Variants in CDK14 observed in about 807,000 individuals in gnomAD.
CDK14 encodes cyclin-dependent kinase 14.
Under a neutral mutation model 60.7 loss-of-function variants are expected in CDK14, and 34 were observed. That is an observed-to-expected ratio of 0.56 (90% CI 0.43 to 0.75). The LOEUF (loss-of-function observed/expected upper bound fraction) is 0.75. Ranked by LOEUF, CDK14 falls within the 30% of genes least tolerant of loss-of-function variation. The probability of loss-of-function intolerance (pLI) is 0.00; values close to 1 mark genes in which losing one functional copy is unlikely to be tolerated. For synonymous variants in CDK14, 197 were observed against 203.7 expected (o/e 0.97, Z 0.28); for missense variants, 482 against 564.1 (o/e 0.85, Z 1.47).
intron 2 of CDK14, among the ~76,000 whole-genome samples, chr7:90,613,736 C>T (rs912468957): frequency 6.6e-6 from 1 of 152,050 alleles, no homozygotes; most frequent in Admixed American, 6.6e-5. Flanking sequence ...CGTAGGAAGT[C>T]TTTCTGTACA....
chr7:90,990,273 G>A (rs529919470), intron 10 of CDK14, among the ~76,000 whole-genome samples: 22 of 152,206 alleles, frequency 1.4e-4, no homozygotes, highest in African/African-American at 2.2e-4. Context: ...GTGAGACCCC[G>A]TCTCTAGAAA....
At chr7:91,094,087 G>T (rs1000789063) in intron 12 of CDK14, among the ~76,000 whole-genome samples, 1 of 151,956 alleles carries the variant, frequency 6.6e-6, no homozygotes, top group African/African-American at 2.4e-5. Flanking sequence ...AACTACCTGG[G>T]TAATGGGATC....
At chr7:90,636,233 C>A (rs1800145159) in intron 2 of CDK14, among the ~76,000 whole-genome samples, 1 of 152,058 alleles carries the variant, frequency 6.6e-6, no homozygotes, top group Non-Finnish European at 1.5e-5. Context: ...TGGAATGGTT[C>A]CAGTTTTTGC....
At chr7:91,129,247 A>G (rs531586769) in intron 14 of CDK14, among the ~76,000 whole-genome samples, 1 of 152,320 alleles carries the variant, frequency 6.6e-6, no homozygotes, top group Admixed American at 6.5e-5. Context: ...TGGAGGGTAA[A>G]ACTGCTGGCT....
chr7:90,979,000 A>G (rs1006993775), intron 9 of CDK14, among the ~76,000 whole-genome samples: 2 of 152,160 alleles, frequency 1.3e-5, no homozygotes, highest in Non-Finnish European at 2.9e-5. Flanking sequence ...AAGATTTCAC[A>G]AACTTTGTAA....
chr7:90,978,658 AAGTT>A (rs1248193276), intron 9 of CDK14, among the ~76,000 whole-genome samples: 2 of 152,074 alleles, frequency 1.3e-5, no homozygotes, highest in African/African-American at 4.8e-5. Context: ...TTTTGGGAAA[AAGTT>A]AGATAGCACC....
At chr7:90,946,038 G>A (rs1399763807) in intron 8 of CDK14, among the ~76,000 whole-genome samples, 1 of 152,106 alleles carries the variant, frequency 6.6e-6, no homozygotes, top group Non-Finnish European at 1.5e-5. Context: ...AGCAGCAGTG[G>A]GGAAAAAGAA....
chr7:90,924,734 T>TGTGATTAAA (rs1793361435), intron 8 of CDK14, among the ~76,000 whole-genome samples: 1 of 152,226 alleles, frequency 6.6e-6, no homozygotes, highest in South Asian at 2.1e-4. Context: ...TTTAAACCTT[T>TGTGATTAAA]GTTTCTCACT....
chr7:90,934,900 G>A (rs572309420), intron 8 of CDK14, among the ~76,000 whole-genome samples: 1 of 152,308 alleles, frequency 6.6e-6, no homozygotes, highest in South Asian at 2.1e-4. Flanking sequence ...CGGACTGCCA[G>A]CCTTATATGG....
At chr7:90,803,747 G>A (rs190954693) in intron 5 of CDK14, among the ~76,000 whole-genome samples, 1 of 152,318 alleles carries the variant, frequency 6.6e-6, no homozygotes, top group African/African-American at 2.4e-5. Flanking sequence ...ATATGATCTA[G>A]TTTAATTTTT....
intron 3 of CDK14, among the ~76,000 whole-genome samples, chr7:90,745,992 C>T (rs1245368624): frequency 6.6e-6 from 1 of 152,172 alleles, no homozygotes; most frequent in Non-Finnish European, 1.5e-5. Flanking sequence ...TTGCTCTGCT[C>T]AGATACCACA....
chr7:90,797,378 T>G lies in CDK14; in HGVS notation c.544+6726T>G, dbSNP rs575011262. ...TCTTCTTACAAGGACAATAATCACTTTGGTTTAGGGTCCACCCATATGACA... is the reference window on the plus strand; with the variant it reads ...TCTTCTTACAAGGACAATAATCACTGTGGTTTAGGGTCCACCCATATGACA... On this transcript the variant is annotated intron_variant, in intron 5 of 14. Coordinates refer to ENST00000380050, the MANE Select transcript of CDK14 (RefSeq NM_001287135.2). 4.3e-4 allele frequency among the ~76,000 whole-genome samples: 65 copies of G among 151,996 alleles called. 2 individuals carry two copies. Among genetic ancestry groups the G allele is most frequent in the African/African-American group, 1.5e-3 (60 of 41,326 alleles).
At position 90,706,574 on chromosome 7, in the gene CDK14, G is replaced by A. The variant is rs547817992; in HGVS notation, c.124-19993G>A. ...AATTAATGAACAAAAACAGTGTAAT[G>A]TGATAGGGGAGGGAGGAGCAACAGC... On this transcript the variant is annotated intron_variant, in intron 2 of 14. Transcript: ENST00000380050. Among the ~76,000 whole-genome samples, 4 of 152,280 alleles carry A rather than the reference G, an allele frequency of 2.6e-5. No individual in the cohort carries two copies. In the East Asian group the frequency reaches 7.7e-4, roughly 29 times the overall value.
chr7:90,598,703 G>GTTTTTTTTTTTTTTTTT (rs1563010964), intron 1 of CDK14, among the ~76,000 whole-genome samples: 1 of 18,632 alleles, frequency 5.4e-5, no homozygotes. Context: ...ATTATCTAAG[G>GTTTTTTTTTTTTTTTTT]ATTTTTTTTT....
chr7:90,891,526 G>A (rs1169135671), intron 6 of CDK14, among the ~76,000 whole-genome samples: 5 of 152,136 alleles, frequency 3.3e-5, no homozygotes, highest in Non-Finnish European at 7.4e-5. Context: ...TCATTTGTGT[G>A]TATGTTATAA....
At chr7:90,660,183 T>G (rs1270517813) in intron 2 of CDK14, among the ~76,000 whole-genome samples, 11 of 152,176 alleles carry the variant, frequency 7.2e-5, no homozygotes, top group Admixed American at 7.2e-4. Context: ...GAAAGAGTAG[T>G]GTGATGGCTA....
At chr7:91,132,615 A>G (rs1800152154) in intron 14 of CDK14, among the ~76,000 whole-genome samples, 2 of 152,154 alleles carry the variant, frequency 1.3e-5, no homozygotes, top group Admixed American at 6.6e-5. Flanking sequence ...TGAACTTATT[A>G]TGTTAGATCA....
At chr7:90,770,725 T>G (rs1013244309) in intron 4 of CDK14, among the ~76,000 whole-genome samples, 1 of 152,350 alleles carries the variant, frequency 6.6e-6, no homozygotes. Context: ...ACTTTGTTCA[T>G]GATAGACCCC....
chr7:90,773,556 G>C (rs148473349), intron 4 of CDK14, among the ~76,000 whole-genome samples: 13 of 152,288 alleles, frequency 8.5e-5, no homozygotes, highest in African/African-American at 2.9e-4. Context: ...ACCTATTCTA[G>C]AGTGCAGTGG....
Sources: gnomAD v4.1 joint callset for allele counts (sites outside exome capture counted in the v4.1 genomes callset) on GRCh38, gnomAD v4.1.1 for gene constraint, MANE v1.5 for transcripts, NCBI Gene and HGNC (gene_info 2026-07-23, HGNC 2026-07-21) for gene names.